Variants in PPM1B observed in about 807,000 individuals in gnomAD.
The protein encoded by PPM1B is protein phosphatase 1B.
In PPM1B, 22 loss-of-function variants were observed where a neutral mutation model predicts 43.0. The observed-to-expected ratio is 0.51, with a 90% CI of 0.37 to 0.73. The LOEUF (loss-of-function observed/expected upper bound fraction) is 0.73, where lower values mean the gene tolerates loss of function less well. Ranked by LOEUF, PPM1B falls within the 30% of genes least tolerant of loss-of-function variation. PPM1B has a pLI of 0.00. For missense variants in PPM1B, 632 were observed against 584.2 expected, an observed-to-expected ratio of 1.08 and a Z score of -0.84; for synonymous variants, 217 against 197.9, an observed-to-expected ratio of 1.10 and a Z score of -0.81.
chr2:44,244,578 TCTC>T (rs2104298846), downstream of PPM1B, among the ~76,000 whole-genome samples: 1 of 152,044 alleles, frequency 6.6e-6, no homozygotes, highest in Non-Finnish European at 1.5e-5. Flanking sequence ...TTGTTTTCCT[TCTC>T]CTAAAAGCAC....
At position 44,209,300 on chromosome 2, in the gene PPM1B, G is replaced by C; in HGVS notation, c.937G>C (p.Asp313His). The change falls in exon 3 of 6, where the codon GAT (aspartate) becomes CAT (histidine). Residue 313 changes from aspartate to histidine, a missense_variant. Around this residue, in one of 3 missense-constraint regions of PPM1B, gnomAD observed 392 missense variants for 302.7 expected, o/e 1.29. Transcript: ENST00000282412. ...AGCGGTGAAAAAAGATTCAGAGTTGGATAAGCACTTGGAATCACGGGTTGA... is the reference window on the plus strand; with the variant it reads ...AGCGGTGAAAAAAGATTCAGAGTTGCATAAGCACTTGGAATCACGGGTTGA... The part of the protein sequence containing the change: ...DEAVKKDSEL[D>H]KHLESRVEEI... 1 of 1,613,986 alleles carries C rather than the reference G, an allele frequency of 6.2e-7. No homozygotes were observed. Among genetic ancestry groups the C allele is most frequent in the South Asian group, 1.1e-5 (1 of 91,076 alleles).
intron 1 of PPM1B, among the ~76,000 whole-genome samples, chr2:44,179,611 G>C (rs185764312): frequency 6.6e-6 from 1 of 152,108 alleles, no homozygotes; most frequent in African/African-American, 2.4e-5. Flanking sequence ...TTACTTTGCC[G>C]TTGGAATGCA....
chr2:44,220,267 T>C (rs1345841131), intron 5 of PPM1B, among the ~76,000 whole-genome samples: 1 of 150,852 alleles, frequency 6.6e-6, no homozygotes, highest in Admixed American at 6.6e-5. Flanking sequence ...AAAATACATA[T>C]ATATATATAT....
intron 1 of PPM1B, among the ~76,000 whole-genome samples, chr2:44,183,620 A>G (rs1305878343): frequency 2.0e-5 from 3 of 152,230 alleles, no homozygotes; most frequent in Non-Finnish European, 2.9e-5. Context: ...ATTGAAGGGC[A>G]TACCAGTGAG....
intron 5 of PPM1B, chr2:44,244,173 A>G: frequency 3.3e-6 from 3 of 898,568 alleles, no homozygotes; most frequent in Non-Finnish European, 4.2e-6. Flanking sequence ...CAATCCTGCA[A>G]GAAAAAAAAA....
intron 1 of PPM1B, among the ~76,000 whole-genome samples, chr2:44,176,755 G>T (rs760892685): frequency 6.6e-6 from 1 of 152,108 alleles, no homozygotes; most frequent in African/African-American, 2.4e-5. Flanking sequence ...TTATGAGTCA[G>T]TTTCATTTGA....
chr2:44,227,922 C>CTTTTTTT (rs59259343), intron 5 of PPM1B, among the ~76,000 whole-genome samples: 10 of 106,798 alleles, frequency 9.4e-5, no homozygotes, highest in Admixed American at 1.2e-4. Flanking sequence ...TTTTTCTTTT[C>CTTTTTTT]TTTTTTTTTT....
At chr2:44,220,649 A>G (rs1294112797) in intron 5 of PPM1B, among the ~76,000 whole-genome samples, 1 of 152,244 alleles carries the variant, frequency 6.6e-6, no homozygotes, top group Non-Finnish European at 1.5e-5. Context: ...TGTCTAGTGC[A>G]GCTTACACTG....
chr2:44,220,376 A>G (rs1669923295), intron 5 of PPM1B, among the ~76,000 whole-genome samples: 1 of 152,054 alleles, frequency 6.6e-6, no homozygotes, highest in African/African-American at 2.4e-5. Flanking sequence ...AAATTTTTTA[A>G]AAAGAAAAAA....
intron 1 of PPM1B, among the ~76,000 whole-genome samples, chr2:44,178,485 T>A (rs1387458569): frequency 7.2e-6 from 1 of 138,402 alleles, no homozygotes; most frequent in Non-Finnish European, 1.6e-5. Context: ...TTTTTTTTTT[T>A]AGACAGAGTT....
chr2:44,218,698 T>C (rs1669838700), intron 5 of PPM1B, 161 bp downstream of exon 5: 3 of 594,134 alleles, frequency 5.0e-6, no homozygotes, highest in East Asian at 3.2e-5. Flanking sequence ...AGAAAATGTA[T>C]TGAAATGAAG....
At chr2:44,169,972 T>C (rs1275488315) in intron 1 of PPM1B, among the ~76,000 whole-genome samples, 1 of 152,216 alleles carries the variant, frequency 6.6e-6, no homozygotes, top group Non-Finnish European at 1.5e-5. Flanking sequence ...CCATATGTGG[T>C]AAATCAGTTT....
intron 3 of PPM1B, chr2:44,213,851 G>T (rs1196196918): frequency 2.0e-5 from 3 of 152,116 alleles, no homozygotes; most frequent in Admixed American, 6.6e-5. Context: ...AATATTTAAT[G>T]ATAAATTGTA....
chr2:44,187,660 T>C (rs557504229), intron 1 of PPM1B, among the ~76,000 whole-genome samples: 17 of 152,316 alleles, frequency 1.1e-4, no homozygotes, highest in African/African-American at 4.1e-4. Context: ...TTATTTTTGT[T>C]TTATTGTTTC....
intron 3 of PPM1B, among the ~76,000 whole-genome samples, chr2:44,213,445 T>C (rs980908901): frequency 2.0e-5 from 3 of 152,170 alleles, no homozygotes; most frequent in African/African-American, 7.2e-5. Context: ...AATAGCTTTG[T>C]TGAATTTGGT....
intron 1 of PPM1B, among the ~76,000 whole-genome samples, chr2:44,193,512 G>A (rs1329792683): frequency 1.3e-5 from 2 of 151,664 alleles, no homozygotes; most frequent in Non-Finnish European, 2.9e-5. Flanking sequence ...TCCCGCTGTA[G>A]CTTCCCTAGT....
At position 44,214,140 on chromosome 2, in the gene PPM1B, C is replaced by T. The variant is rs145857973; in HGVS notation, c.965-3827C>T. Reference sequence around the variant, plus strand: ...TGTCACCCAGGCTGGAATGCAGTGGCGCGATCTCGGCTCACTGCAAGCTTA... The same window carrying T: ...TGTCACCCAGGCTGGAATGCAGTGGTGCGATCTCGGCTCACTGCAAGCTTA... On this transcript the variant is annotated intron_variant, in intron 3 of 5. Coordinates refer to ENST00000282412, the MANE Select transcript of PPM1B (RefSeq NM_002706.6). Among the ~76,000 whole-genome samples the T allele has an allele frequency of 8.6e-4, 131 of 152,252 alleles. 2 individuals are homozygous for T. In the East Asian group the frequency reaches 0.022, roughly 25 times the overall value.
chr2:44,242,552 A>G (rs1332861846), intron 5 of PPM1B, among the ~76,000 whole-genome samples: 1 of 152,216 alleles, frequency 6.6e-6, no homozygotes, highest in Non-Finnish European at 1.5e-5. Context: ...GCCTTTCAGG[A>G]AGAGGGTACA....
chr2:44,171,884 T>C (rs1445331415), intron 1 of PPM1B, among the ~76,000 whole-genome samples: 1 of 150,668 alleles, frequency 6.6e-6, no homozygotes, highest in Admixed American at 6.6e-5. Flanking sequence ...TATATGTAAC[T>C]ATTTTAAAGT....
Sources: allele counts gnomAD v4.1 joint callset (sites outside exome capture counted in the v4.1 genomes callset), GRCh38; gene constraint gnomAD v4.1.1; regional missense constraint gnomAD v4.1.1; transcripts MANE v1.5; gene names NCBI Gene and HGNC (gene_info 2026-07-23, HGNC 2026-07-21).